STARD13: variants seen among roughly 807,000 people sequenced by gnomAD.
The protein encoded by STARD13 is StAR related lipid transfer domain containing 13, also known as stAR-related lipid transfer protein 13.
STARD13 carries 62 observed loss-of-function variants against 106.4 expected under a neutral mutation model. The ratio of observed to expected loss-of-function variants is 0.58; its 90% confidence interval spans 0.48 to 0.72. The LOEUF is 0.72. STARD13 is among the 30% of genes least tolerant of loss of function. The pLI is 0.00. For missense variants in STARD13, 1,387 were observed against 1,424.0 expected (o/e 0.97, Z 0.42); for synonymous variants, 565 against 553.0 (o/e 1.02, Z -0.31).
At chr13:33,112,203 T>C (rs1049487480) in intron 9 of STARD13, among the ~76,000 whole-genome samples, 13 of 152,180 alleles carry the variant, frequency 8.5e-5, no homozygotes, top group African/African-American at 3.1e-4. Context: ...TATAGCCTTT[T>C]AAAAATTGTA....
the STARD13 span, among the ~76,000 whole-genome samples, chr13:33,438,103 T>G: frequency 1.3e-5 from 2 of 152,236 alleles, no homozygotes; most frequent in South Asian, 4.1e-4. Flanking sequence ...CGGTTGTTTC[T>G]TACTTTCTTG....
chr13:33,185,570 T>C (rs923280763), intron 1 of STARD13, among the ~76,000 whole-genome samples: 5 of 152,206 alleles, frequency 3.3e-5, no homozygotes, highest in Non-Finnish European at 4.4e-5. Flanking sequence ...GTGTCTCAAC[T>C]GCCCACATCC....
intron 1 of STARD13, chr13:33,350,254 C>T (rs1476294236): frequency 1.3e-6 from 2 of 1,510,682 alleles, no homozygotes; most frequent in Non-Finnish European, 8.8e-7. Context: ...GCGCCTCCCC[C>T]GCCCCCGTGG....
chr13:33,483,383 T>C, the STARD13 span, among the ~76,000 whole-genome samples: 4 of 152,172 alleles, frequency 2.6e-5, no homozygotes, highest in South Asian at 2.1e-4. Context: ...TTGAAAATAA[T>C]TGATAATTTT....
the STARD13 span, among the ~76,000 whole-genome samples, chr13:33,499,491 T>A: frequency 5.9e-3 from 389 of 66,268 alleles, 7 homozygotes; most frequent in Middle Eastern, 0.015. Context: ...CTCCAGTCTT[T>A]TCTCCTTCTT....
the STARD13 span, among the ~76,000 whole-genome samples, chr13:33,434,562 C>T: frequency 1.3e-5 from 2 of 152,000 alleles, no homozygotes; most frequent in South Asian, 4.1e-4. Context: ...TCTCATAATG[C>T]TTTCTTGGCT....
intron 3 of STARD13, among the ~76,000 whole-genome samples, chr13:33,155,169 C>G (rs1165735139): frequency 1.3e-5 from 2 of 152,048 alleles, no homozygotes; most frequent in African/African-American, 2.4e-5. Flanking sequence ...GACATTGGCA[C>G]CTCACCCACC....
At chr13:33,283,914 C>CA (rs1891928452) in intron 1 of STARD13, among the ~76,000 whole-genome samples, 1 of 152,128 alleles carries the variant, frequency 6.6e-6, no homozygotes, top group South Asian at 2.1e-4. Flanking sequence ...AGGAGGTCTG[C>CA]AAAGCAATTT....
the STARD13 span, among the ~76,000 whole-genome samples, chr13:33,469,791 G>C: frequency 6.6e-6 from 1 of 151,998 alleles, no homozygotes; most frequent in African/African-American, 2.4e-5. Flanking sequence ...GTAAGATCCT[G>C]GTCACCTGAT....
At chr13:33,472,176 T>C in the STARD13 span, among the ~76,000 whole-genome samples, 1 of 152,060 alleles carries the variant, frequency 6.6e-6, no homozygotes, top group Non-Finnish European at 1.5e-5. Context: ...TTTTTCTTTT[T>C]AAAAATCTTT....
At chr13:33,280,684 A>C (rs1249324672) in intron 1 of STARD13, 1 of 152,210 alleles carries the variant, frequency 6.6e-6, no homozygotes, top group Non-Finnish European at 1.5e-5. Context: ...TAATGAAAGC[A>C]TGACACAGGT....
At chr13:33,666,394 C>T in the STARD13 span, among the ~76,000 whole-genome samples, 140 of 152,042 alleles carry the variant, frequency 9.2e-4, 1 homozygote, top group Non-Finnish European at 4.9e-4. Flanking sequence ...CCCAGGTTCA[C>T]GCCGTTCTCC....
chr13:33,545,881 A>G, the STARD13 span, among the ~76,000 whole-genome samples: 26 of 152,342 alleles, frequency 1.7e-4, no homozygotes, highest in South Asian at 2.1e-4. Context: ...TGTACAGCCT[A>G]CAGAACTGTG....
chr13:33,450,909 G>T, the STARD13 span, among the ~76,000 whole-genome samples: 5 of 152,120 alleles, frequency 3.3e-5, no homozygotes. Context: ...AAGAGACAGG[G>T]TCTTGCTCTG....
At chr13:33,489,298 G>A in the STARD13 span, among the ~76,000 whole-genome samples, 1 of 152,156 alleles carries the variant, frequency 6.6e-6, no homozygotes, top group African/African-American at 2.4e-5. Context: ...AGCCTTTATA[G>A]TTTTCTGCCT....
intron 1 of STARD13, among the ~76,000 whole-genome samples, chr13:33,200,992 C>G (rs1351263952): frequency 6.6e-6 from 1 of 151,504 alleles, no homozygotes; most frequent in Non-Finnish European, 1.5e-5. Context: ...TGCCACTGCA[C>G]TCCAGCCTGG....
At chr13:33,444,584 G>A in the STARD13 span, among the ~76,000 whole-genome samples, 1 of 152,116 alleles carries the variant, frequency 6.6e-6, no homozygotes, top group Admixed American at 6.5e-5. Context: ...TGGGAAACAT[G>A]AGGAGATCCT....
chr13:33,516,006 C>A, the STARD13 span, among the ~76,000 whole-genome samples: 1 of 151,802 alleles, frequency 6.6e-6, no homozygotes, highest in Non-Finnish European at 1.5e-5. Flanking sequence ...TAGCCAATGA[C>A]AGTAACCCAG....
At chr13:33,582,596 C>T in the STARD13 span, among the ~76,000 whole-genome samples, 1 of 152,194 alleles carries the variant, frequency 6.6e-6, no homozygotes, top group African/African-American at 2.4e-5. Flanking sequence ...CATAGCTCTT[C>T]ATCACATCAT....
Sources: gnomAD v4.1 joint callset for allele counts (sites outside exome capture counted in the v4.1 genomes callset) on GRCh38, gnomAD v4.1.1 for gene constraint, MANE v1.5 for transcripts, NCBI Gene and HGNC (gene_info 2026-07-23, HGNC 2026-07-21) for gene names.